C3orf20: variants seen among roughly 807,000 people sequenced by gnomAD.
C3orf20 encodes the protein uncharacterized protein C3orf20.
In C3orf20, 76 loss-of-function variants were observed where a neutral mutation model predicts 88.3. That is an observed-to-expected ratio of 0.86 (90% CI 0.72 to 1.04). The LOEUF is 1.04. C3orf20 is among the 50% of genes least tolerant of loss of function. The probability of loss-of-function intolerance (pLI) is 0.00; values close to 1 mark genes in which losing one functional copy is unlikely to be tolerated. For synonymous variants in C3orf20, 436 were observed against 437.4 expected, an observed-to-expected ratio of 1.00 and a Z score of 0.04; for missense variants, 1,056 against 1,123.3, an observed-to-expected ratio of 0.94 and a Z score of 0.86.
At chr3:14,711,105 CA>C (rs1416999890) in intron 7 of C3orf20, among the ~76,000 whole-genome samples, 1 of 152,128 alleles carries the variant, frequency 6.6e-6, no homozygotes. Flanking sequence ...CCATGTTGGC[CA>C]GGCTGGTCTC....
At chr3:14,689,407 G>A (rs561100069) in intron 4 of C3orf20, among the ~76,000 whole-genome samples, 2 of 152,266 alleles carry the variant, frequency 1.3e-5, no homozygotes, top group East Asian at 3.9e-4. Context: ...GTGGTTTCAC[G>A]CCTAACCAGT....
chr3:14,744,382 G>A (rs1332204569), intron 12 of C3orf20, among the ~76,000 whole-genome samples: 2 of 151,822 alleles, frequency 1.3e-5, no homozygotes, highest in African/African-American at 2.4e-5. Context: ...TGTCCATATC[G>A]CTGTCAACAT....
At chr3:14,769,187 G>A (rs59830073) in intron 15 of C3orf20, among the ~76,000 whole-genome samples, 1,768 of 152,168 alleles carry the variant, frequency 0.012, 53 homozygotes, top group African/African-American at 0.04. Context: ...CGGAGGCAGA[G>A]GGGACGGTGG....
chr3:14,675,146 TA>T lies in C3orf20; in HGVS notation c.-403del, dbSNP rs1234796614. The T allele has an allele frequency of 6.7e-6, 1 of 148,960 alleles. No individual in the cohort carries two copies. The highest frequency in any genetic ancestry group is 1.5e-5 in the Non-Finnish European group (1 of 68,016). The allele number at this position is 148,960 out of a possible 1,614,324, so 9.2% of individuals were successfully genotyped here. A position where few individuals can be genotyped will look rare whatever the true frequency, so the allele number is the denominator to read the frequency against. Reference sequence around the variant, plus strand: ...GGGGATGGGTACTGGTCTTTACAGTTAACACAACCTGGAGTAGCCCATGCCA... The same window carrying T: ...GGGGATGGGTACTGGTCTTTACAGTTACACAACCTGGAGTAGCCCATGCCA... On this transcript the variant is annotated 5_prime_UTR_variant, in exon 1 of 17. Coordinates refer to ENST00000253697, the MANE Select transcript of C3orf20 (RefSeq NM_032137.5).
chr3:14,748,626 C>G (rs2035128703), intron 12 of C3orf20, among the ~76,000 whole-genome samples: 1 of 152,092 alleles, frequency 6.6e-6, no homozygotes, highest in African/African-American at 2.4e-5. Flanking sequence ...CAGTGTATCC[C>G]TTAAGTTTTG....
intron 15 of C3orf20, among the ~76,000 whole-genome samples, chr3:14,762,357 G>T (rs1480021593): frequency 6.6e-6 from 1 of 152,230 alleles, no homozygotes; most frequent in Non-Finnish European, 1.5e-5. Context: ...ATCTTCTTGA[G>T]CCGAGAGACC....
At chr3:14,692,780 G>A (rs1375776810) in intron 5 of C3orf20, among the ~76,000 whole-genome samples, 1 of 152,116 alleles carries the variant, frequency 6.6e-6, no homozygotes, top group Admixed American at 6.5e-5. Flanking sequence ...CTGTGCTTGT[G>A]GGGTATTACT....
At chr3:14,759,084 C>T (rs1361506532) in intron 13 of C3orf20, among the ~76,000 whole-genome samples, 2 of 152,130 alleles carry the variant, frequency 1.3e-5, no homozygotes, top group East Asian at 1.9e-4. Context: ...GAGGACAGGG[C>T]GTGGCCTGAG....
intron 6 of C3orf20, 142 bp downstream of exon 6, chr3:14,703,404 C>G: frequency 7.5e-7 from 1 of 1,338,702 alleles, no homozygotes; most frequent in South Asian, 1.4e-5. Context: ...TTATGTGGTA[C>G]TCCCCACGAC....
In C3orf20 at chr3:14,733,514, A is replaced by G. The variant is rs142106080; in HGVS notation, c.1940+4826A>G. Among the ~76,000 whole-genome samples the G allele has an allele frequency of 8.5e-5, 13 of 152,210 alleles. No homozygotes were observed. The East Asian group carries it at 1.7e-3, about 20-fold the overall frequency. On this transcript the variant is annotated intron_variant, in intron 12 of 16. Coordinates refer to ENST00000253697, the MANE Select transcript of C3orf20 (RefSeq NM_032137.5). ...GGATTATTTCTTCCCTAAATATTTG[A>G]TAGAATTTGCCAGTGAAGTCACCTC... is the stretch of plus-strand genomic sequence containing the variant.
chr3:14,742,581 G>A lies in C3orf20; in HGVS notation c.1940+13893G>A, dbSNP rs190306033. ...AATCCTGAGAAAGTTATGAGAATTG[G>A]CCTCTTTAGGAGAAGATTTTCTTGT... On this transcript the variant is annotated intron_variant, in intron 12 of 16. Coordinates refer to ENST00000253697, the MANE Select transcript of C3orf20 (RefSeq NM_032137.5). Among the ~76,000 whole-genome samples, 194 of 152,266 alleles carry A rather than the reference G, an allele frequency of 1.3e-3. 1 individual carries two copies. Among genetic ancestry groups the A allele is most frequent in the Middle Eastern group, 3.4e-3 (1 of 294 alleles).
chr3:14,743,898 C>T (rs996888270), intron 12 of C3orf20, among the ~76,000 whole-genome samples: 1 of 151,998 alleles, frequency 6.6e-6, no homozygotes, highest in African/African-American at 2.4e-5. Context: ...GACCCTGGGC[C>T]CAGCCCACGA....
intron 12 of C3orf20, among the ~76,000 whole-genome samples, chr3:14,742,309 G>A (rs972930609): frequency 6.6e-6 from 1 of 152,194 alleles, no homozygotes; most frequent in Non-Finnish European, 1.5e-5. Context: ...TGACTCAGAT[G>A]GGAAGACTGA....
intron 12 of C3orf20, among the ~76,000 whole-genome samples, chr3:14,754,558 A>G (rs191571452): frequency 1.6e-4 from 25 of 152,242 alleles, no homozygotes; most frequent in African/African-American, 5.8e-4. Flanking sequence ...GGTTGTTGCA[A>G]GTTTTTTCAT....
chr3:14,703,228 G>A lies in C3orf20; in HGVS notation c.844G>A (p.Ala282Thr). 6.2e-7 allele frequency: 1 copy of A among 1,614,140 alleles called. No homozygotes were observed. Among genetic ancestry groups the A allele is most frequent in the South Asian group, 1.1e-5 (1 of 91,080 alleles). The change falls in exon 6 of 17, where the codon GCC (alanine) becomes ACC (threonine). Residue 282 changes from alanine (A) to threonine (T), a missense_variant. By Grantham distance (58) the Ala-to-Thr change is moderately conservative. Coordinates refer to ENST00000253697, the MANE Select transcript of C3orf20 (RefSeq NM_032137.5). The part of the protein sequence containing the change: ...SLEFSDPCPE[A>T]REKLQELCRH... Reference sequence around the variant, plus strand: ...GGAGTTCAGCGACCCCTGCCCTGAGGCCCGGGAGAAGCTGCAGGAGTTGTG... The same window carrying A: ...GGAGTTCAGCGACCCCTGCCCTGAGACCCGGGAGAAGCTGCAGGAGTTGTG...
chr3:14,765,996 G>C (rs1192249923), intron 15 of C3orf20, among the ~76,000 whole-genome samples: 1 of 152,244 alleles, frequency 6.6e-6, no homozygotes, highest in East Asian at 1.9e-4. Flanking sequence ...GTGAGGGCCT[G>C]CCAGGCCAAA....
chr3:14,728,299 G>A (rs941173618), intron 11 of C3orf20, 140 bp from the exon 12 acceptor site: 9 of 913,036 alleles, frequency 9.9e-6, no homozygotes, highest in South Asian at 6.6e-5. Context: ...CAGCAGAGGG[G>A]AGGTGCCGGA....
intron 13 of C3orf20, 99 bp from the exon 14 acceptor site, chr3:14,759,792 C>T (rs1383086353): frequency 1.0e-6 from 1 of 974,380 alleles, no homozygotes; most frequent in Non-Finnish European, 1.6e-6. Flanking sequence ...GTACAGGGCT[C>T]CAGGACTCAG....
rs370721403 is a variant in C3orf20, at chr3:14,751,587, G to A, written c.1941-5784G>A. 3.1e-4 allele frequency among the ~76,000 whole-genome samples: 47 copies of A among 152,288 alleles called. No individual in the cohort carries two copies. In the South Asian group the frequency reaches 4.4e-3, roughly 14 times the overall value. On this transcript the variant is annotated intron_variant, in intron 12 of 16. Transcript: ENST00000253697. ...GATTGTATATTTAGAAAACCCCATC[G>A]TCTTGGCCCAAAATCTCCTTAAGCT...
Sources: allele counts gnomAD v4.1 joint callset (sites outside exome capture counted in the v4.1 genomes callset), GRCh38; gene constraint gnomAD v4.1.1; transcripts MANE v1.5; gene names NCBI Gene and HGNC (gene_info 2026-07-23, HGNC 2026-07-21).